Variants in PALLD observed in about 807,000 individuals in gnomAD.
PALLD encodes the protein palladin, cytoskeletal associated protein.
Under a neutral mutation model 123.5 loss-of-function variants are expected in PALLD, and 61 were observed. That is an observed-to-expected ratio of 0.49 (90% CI 0.40 to 0.61). The LOEUF (loss-of-function observed/expected upper bound fraction) is 0.61. Ranked by LOEUF, PALLD falls within the 20% of genes least tolerant of loss-of-function variation. The pLI, the probability that PALLD is intolerant of heterozygous loss-of-function variation, is 0.00. For synonymous variants in PALLD, 465 were observed against 496.4 expected (o/e 0.94, Z 0.84); for missense variants, 1,273 against 1,377.0 (o/e 0.92, Z 1.20).
chr4:168,590,386 T>C (rs1471265696), intron 2 of PALLD, among the ~76,000 whole-genome samples: 1 of 152,184 alleles, frequency 6.6e-6, no homozygotes, highest in Non-Finnish European at 1.5e-5. Context: ...AATATCCGCT[T>C]ATCCCCAGTG....
intron 10 of PALLD, among the ~76,000 whole-genome samples, chr4:168,733,570 C>A (rs566404122): frequency 2.8e-5 from 1 of 36,096 alleles, no homozygotes; most frequent in Non-Finnish European, 5.1e-5. Context: ...TGTTTTATTT[C>A]TTTTCTTTCC....
chr4:168,572,997 A>G (rs773048667), intron 2 of PALLD, among the ~76,000 whole-genome samples: 21 of 151,028 alleles, frequency 1.4e-4, no homozygotes, highest in African/African-American at 3.4e-4. Context: ...AATATAATCT[A>G]CAAGTAAGGC....
intron 2 of PALLD, among the ~76,000 whole-genome samples, chr4:168,519,839 A>C (rs780081740): frequency 1.3e-5 from 2 of 152,226 alleles, no homozygotes; most frequent in Non-Finnish European, 2.9e-5. Flanking sequence ...AATCCATAAG[A>C]AAGCAAAACC....
At chr4:168,573,425 G>T (rs916858368) in intron 2 of PALLD, among the ~76,000 whole-genome samples, 2 of 151,950 alleles carry the variant, frequency 1.3e-5, no homozygotes, top group African/African-American at 2.4e-5. Flanking sequence ...AGCTGAGTTT[G>T]TCTGTCTTTC....
In PALLD at chr4:168,691,310, G is replaced by GT. The variant is rs540578138; in HGVS notation, c.1501+29dup. On this transcript the variant is annotated intron_variant, in intron 8 of 21. Transcript: ENST00000505667. Reference sequence around the variant, plus strand: ...TGAACCTGGTAAGAATATTTTTAGGGTTTTTTTTTTTGGTGGTGGGGGAGC... The same window carrying GT: ...TGAACCTGGTAAGAATATTTTTAGGGTTTTTTTTTTTTGGTGGTGGGGGAGC... The GT allele has an allele frequency of 0.11, 119,395 of 1,046,224 alleles. 16 individuals are homozygous for GT. The highest frequency in any genetic ancestry group is 0.14 in the South Asian group (7,116 of 52,682). 64.8% of individuals were successfully genotyped at this position (1,046,224 alleles called of 1,614,324 possible).
At position 168,926,928 on chromosome 4, in the gene PALLD, AGG is replaced by A. The variant is rs1762645702; in HGVS notation, c.*749_*750del. ...GCAAATGTTTTTATATTAAATCATAAGGAAGGAACTACTTGCCTTAAATGTTA... is the reference window on the plus strand; with the variant it reads ...GCAAATGTTTTTATATTAAATCATAAAAGGAACTACTTGCCTTAAATGTTA... On this transcript the variant is annotated 3_prime_UTR_variant, in exon 22 of 22. Coordinates refer to ENST00000505667, the MANE Select transcript of PALLD (RefSeq NM_001166108.2). 4.5e-6 allele frequency: 1 copy of A among 220,134 alleles called. No homozygotes were observed. The highest frequency in any genetic ancestry group is 2.2e-5 in the African/African-American group (1 of 44,652). The allele number at this position is 220,134 out of a possible 1,614,324, so 13.6% of individuals were successfully genotyped here. A position where few individuals can be genotyped will look rare whatever the true frequency, so the allele number is the denominator to read the frequency against.
Position 168,924,447 on chromosome 4 carries a change from C to T in PALLD, c.3224+27C>T, listed in dbSNP as rs1475828498. The T allele has an allele frequency of 1.9e-6, 3 of 1,593,796 alleles. No homozygotes were observed. In the Admixed American group the frequency reaches 5.0e-5, roughly 27 times the overall value. ...TAAGACTGCACAATGAGAACCTGAT[C>T]CTTAACTGTTCAGTCCTAATGATGT... On this transcript the variant is annotated intron_variant, in intron 19 of 21. Coordinates refer to ENST00000505667, the MANE Select transcript of PALLD (RefSeq NM_001166108.2).
chr4:168,528,342 T>G (rs1764271435), intron 2 of PALLD, among the ~76,000 whole-genome samples: 1 of 152,258 alleles, frequency 6.6e-6, no homozygotes, highest in Non-Finnish European at 1.5e-5. Context: ...TAGACTTAAG[T>G]AAACTTCAAC....
rs888225873 is a variant in PALLD, at chr4:168,847,878, G to GA, written c.1965-43035dup. Among the ~76,000 whole-genome samples the GA allele has an allele frequency of 2.9e-3, 428 of 148,914 alleles. 2 individuals are homozygous for GA. The highest frequency in any genetic ancestry group is 9.4e-3 in the African/African-American group (382 of 40,638). On this transcript the variant is annotated intron_variant, in intron 10 of 21. Coordinates refer to ENST00000505667, the MANE Select transcript of PALLD (RefSeq NM_001166108.2). ...CAATGAATATTCCTTTTCTAAAAAA[G>GA]AAAAAAAAAGGAAGAAACTAAGTCC...
intron 2 of PALLD, among the ~76,000 whole-genome samples, chr4:168,605,512 A>G (rs1156539882): frequency 6.6e-6 from 1 of 152,190 alleles, no homozygotes; most frequent in Non-Finnish European, 1.5e-5. Context: ...GGACCAGCAC[A>G]TAAGACATTA....
At chr4:168,668,763 G>A (rs79140619) in intron 3 of PALLD, among the ~76,000 whole-genome samples, 7,022 of 152,196 alleles carry the variant, frequency 0.046, 524 homozygotes, top group African/African-American at 0.16. Context: ...ACTTTTTAAT[G>A]TTCTCATTTT....
intron 10 of PALLD, among the ~76,000 whole-genome samples, chr4:168,750,748 C>T (rs1457027824): frequency 6.6e-6 from 1 of 152,166 alleles, no homozygotes; most frequent in Non-Finnish European, 1.5e-5. Context: ...TCTGTGGCCT[C>T]CTGTCCCCAT....
chr4:168,793,308 T>C (rs866535144), intron 10 of PALLD, among the ~76,000 whole-genome samples: 1 of 81,036 alleles, frequency 1.2e-5, no homozygotes, highest in African/African-American at 4.9e-5. Context: ...TATATATACA[T>C]ATATATGTGT....
chr4:168,594,223 T>C (rs1561284802), intron 2 of PALLD, among the ~76,000 whole-genome samples: 1 of 152,182 alleles, frequency 6.6e-6, no homozygotes, highest in Non-Finnish European at 1.5e-5. Context: ...AACGATAGTG[T>C]AAGTAGAAGT....
rs1750719641 is a variant in PALLD at position 168,869,006 on chromosome 4, C to A, written c.1965-21916C>A. Among the ~76,000 whole-genome samples the A allele has an allele frequency of 6.6e-6, 1 of 152,166 alleles. No homozygotes were observed. Among genetic ancestry groups the A allele is most frequent in the Non-Finnish European group, 1.5e-5 (1 of 68,036 alleles). ...AAATGGGCACTGGTACAGGCTGCCACTGCCTGGAACATGATGGAGCGCCTC... is the reference window on the plus strand; with the variant it reads ...AAATGGGCACTGGTACAGGCTGCCAATGCCTGGAACATGATGGAGCGCCTC... On this transcript the variant is annotated intron_variant, in intron 10 of 21. Transcript: ENST00000505667. The surrounding 1 kb of genome is among the most constrained non-coding windows in gnomAD (Gnocchi z 4.5).
At position 168,668,223 on chromosome 4, in the gene PALLD, T is replaced by A. The variant is rs763001090; in HGVS notation, c.942T>A (p.Thr314=). 26 of 1,614,032 alleles carry A rather than the reference T, an allele frequency of 1.6e-5. No homozygotes were observed. Among genetic ancestry groups the A allele is most frequent in the Non-Finnish European group, 2.1e-5 (25 of 1,180,006 alleles). Reference sequence around the variant, plus strand: ...GTGAAGGGAAAGAACTGCACAACACTCCTGATATTCAAATCCACTGTGAGG... The same window carrying A: ...GTGAAGGGAAAGAACTGCACAACACACCTGATATTCAAATCCACTGTGAGG... ...WFCEGKELHN[T]PDIQIHCEGG... is the part of the protein sequence containing the mutation. The change falls in exon 3 of 22, where the codon ACT becomes ACA. Residue 314 remains threonine, a synonymous_variant. Transcript: ENST00000505667.
At chr4:168,798,071 G>T (rs543293870) in intron 10 of PALLD, among the ~76,000 whole-genome samples, 1 of 152,106 alleles carries the variant, frequency 6.6e-6, no homozygotes, top group Non-Finnish European at 1.5e-5. Flanking sequence ...CCAGTTACCC[G>T]CTTTGTCCCG....
chr4:168,891,763 G>A (rs1319562585), intron 11 of PALLD, among the ~76,000 whole-genome samples: 1 of 151,812 alleles, frequency 6.6e-6, no homozygotes, highest in Non-Finnish European at 1.5e-5. Context: ...GCTTTGGAAT[G>A]GTTTGTATCT....
chr4:168,624,166 T>A (rs893633184), intron 2 of PALLD, among the ~76,000 whole-genome samples: 4 of 147,302 alleles, frequency 2.7e-5, no homozygotes, highest in Admixed American at 1.3e-4. Flanking sequence ...GTTATCAATA[T>A]CGATACAGAA....
Sources: gnomAD v4.1 joint callset for allele counts (sites outside exome capture counted in the v4.1 genomes callset) on GRCh38, gnomAD v4.1.1 for gene constraint, Gnocchi (gnomAD v3.1) non-coding constraint, MANE v1.5 for transcripts, NCBI Gene and HGNC (gene_info 2026-07-23, HGNC 2026-07-21) for gene names.